Variants in LIN28B observed in about 807,000 individuals in gnomAD.
The protein encoded by LIN28B is lin-28 RNA binding posttranscriptional regulator B, also known as protein lin-28 homolog B.
A neutral mutation model predicts 21.9 loss-of-function variants in LIN28B; 5 were observed. The observed-to-expected ratio is 0.23, with a 90% CI of 0.12 to 0.48. LIN28B has a LOEUF of 0.48. Ranked by LOEUF, LIN28B falls within the 20% of genes least tolerant of loss-of-function variation. The pLI is 0.98. For missense variants in LIN28B, 245 were observed against 310.5 expected, an observed-to-expected ratio of 0.79 and a Z score of 1.58; for synonymous variants, 109 against 111.3, an observed-to-expected ratio of 0.98 and a Z score of 0.13.
At chr6:105,001,027 T>C (rs1433201790) in intron 2 of LIN28B, among the ~76,000 whole-genome samples, 4 of 152,210 alleles carry the variant, frequency 2.6e-5, no homozygotes, top group Non-Finnish European at 5.9e-5. Flanking sequence ...TTATTTGTAT[T>C]TTCAGTTTTT....
intron 3 of LIN28B, among the ~76,000 whole-genome samples, chr6:105,034,278 A>G (rs2114354784): frequency 6.6e-6 from 1 of 152,106 alleles, no homozygotes; most frequent in East Asian, 1.9e-4. Flanking sequence ...CATTCATAAT[A>G]ATGCAGTGTT....
At chr6:105,060,953 A>G (rs1772112808) in intron 3 of LIN28B, among the ~76,000 whole-genome samples, 1 of 152,230 alleles carries the variant, frequency 6.6e-6, no homozygotes, top group Admixed American at 6.5e-5. Context: ...GTAGACAAAT[A>G]TAAGTATAGA....
Position 104,962,162 on chromosome 6 carries a change from T to C in LIN28B, c.198+3876T>C, listed in dbSNP as rs114708765. The stretch of plus-strand genomic sequence containing the variant: ...AATAATACTTCACATATTGGGTGTA[T>C]ATATACTTGGCATTCCTTGCCATCA... On this transcript the variant is annotated intron_variant, in intron 2 of 3. Transcript: ENST00000345080. Among the ~76,000 whole-genome samples the C allele has an allele frequency of 7.1e-3, 1,078 of 152,244 alleles. 11 individuals are homozygous for C. The highest frequency in any genetic ancestry group is 0.024 in the African/African-American group (997 of 41,566).
chr6:104,946,788 A>G (rs1463080308), intron 2 of LIN28B, among the ~76,000 whole-genome samples: 1 of 152,212 alleles, frequency 6.6e-6, no homozygotes, highest in African/African-American at 2.4e-5. Context: ...TTTAAACCAT[A>G]AAGTGAATAT....
intron 2 of LIN28B, among the ~76,000 whole-genome samples, chr6:104,946,544 T>C (rs1343533459): frequency 3.9e-5 from 6 of 152,180 alleles, no homozygotes; most frequent in Non-Finnish European, 8.8e-5. Context: ...TGAACTTCCA[T>C]GTTTAATATT....
At chr6:105,034,196 A>C (rs1031889267) in intron 3 of LIN28B, among the ~76,000 whole-genome samples, 2 of 151,812 alleles carry the variant, frequency 1.3e-5, no homozygotes, top group African/African-American at 4.8e-5. Flanking sequence ...ATTTTTTTAG[A>C]GTAGTGACTG....
chr6:104,981,583 A>C (rs1219765683), intron 2 of LIN28B, among the ~76,000 whole-genome samples: 1 of 152,180 alleles, frequency 6.6e-6, no homozygotes, highest in African/African-American at 2.4e-5. Flanking sequence ...TAATTCATAT[A>C]TCCTCAGCAA....
intron 2 of LIN28B, among the ~76,000 whole-genome samples, chr6:104,963,335 C>T (rs1325308560): frequency 2.0e-5 from 3 of 152,122 alleles, no homozygotes; most frequent in Non-Finnish European, 4.4e-5. Context: ...CGTGAGCCAC[C>T]GCTCCTGGCC....
At chr6:104,996,278 T>G (rs1770601243) in intron 2 of LIN28B, among the ~76,000 whole-genome samples, 1 of 152,194 alleles carries the variant, frequency 6.6e-6, no homozygotes, top group African/African-American at 2.4e-5. Flanking sequence ...AACTAGAAAT[T>G]GTTAAACAAC....
intron 2 of LIN28B, among the ~76,000 whole-genome samples, chr6:104,968,999 C>G (rs2114586722): frequency 6.6e-6 from 1 of 152,124 alleles, no homozygotes; most frequent in Non-Finnish European, 1.5e-5. Context: ...CTGATCCTTC[C>G]AAGTTAGTAA....
intron 3 of LIN28B, among the ~76,000 whole-genome samples, chr6:105,034,121 A>G (rs935811025): frequency 6.6e-6 from 1 of 151,932 alleles, no homozygotes; most frequent in African/African-American, 2.4e-5. Context: ...TGTTGGTTGT[A>G]TACATATAGC....
At chr6:104,993,694 G>T (rs1018987209) in intron 2 of LIN28B, among the ~76,000 whole-genome samples, 2 of 151,850 alleles carry the variant, frequency 1.3e-5, no homozygotes, top group Non-Finnish European at 2.9e-5. Context: ...AACTAGCCAG[G>T]TGTGGTGGCA....
intron 3 of LIN28B, among the ~76,000 whole-genome samples, chr6:105,062,662 C>A (rs1198708468): frequency 1.3e-5 from 2 of 151,354 alleles, no homozygotes; most frequent in Admixed American, 6.6e-5. Context: ...CTGGAACATA[C>A]CTATTTTGGA....
At chr6:105,075,519 C>T (rs142783890) in intron 3 of LIN28B, among the ~76,000 whole-genome samples, 1 of 152,258 alleles carries the variant, frequency 6.6e-6, no homozygotes, top group African/African-American at 2.4e-5. Flanking sequence ...AGGCTAAGCA[C>T]ATAGACACTA....
chr6:104,938,384 A>C (rs929070820), intron 2 of LIN28B, among the ~76,000 whole-genome samples: 4 of 152,172 alleles, frequency 2.6e-5, no homozygotes, highest in African/African-American at 9.7e-5. Flanking sequence ...TCACGCCTGT[A>C]ATCCCAGCAC....
chr6:105,073,330 C>CT (rs1772367886), intron 3 of LIN28B, among the ~76,000 whole-genome samples: 1 of 152,084 alleles, frequency 6.6e-6, no homozygotes, highest in Non-Finnish European at 1.5e-5. Context: ...AGTTTAGTTC[C>CT]TGTAATTTTT....
intron 3 of LIN28B, among the ~76,000 whole-genome samples, chr6:105,041,251 C>T (rs1425491886): frequency 6.6e-6 from 1 of 152,044 alleles, no homozygotes; most frequent in Non-Finnish European, 1.5e-5. Flanking sequence ...TTTAGGTTTT[C>T]ATTTTCTTTT....
chr6:105,001,744 G>A (rs1441343369), intron 2 of LIN28B, among the ~76,000 whole-genome samples: 2 of 152,146 alleles, frequency 1.3e-5, no homozygotes, highest in Admixed American at 6.5e-5. Context: ...CAGTATTACT[G>A]AAAGATGAGC....
chr6:104,992,377 A>G (rs900699060), intron 2 of LIN28B, among the ~76,000 whole-genome samples: 1 of 151,818 alleles, frequency 6.6e-6, no homozygotes, highest in African/African-American at 2.4e-5. Context: ...CTTATGTAAC[A>G]ATTAATATTA....
Sources: allele counts gnomAD v4.1 joint callset (sites outside exome capture counted in the v4.1 genomes callset), GRCh38; gene constraint gnomAD v4.1.1; transcripts MANE v1.5; gene names NCBI Gene and HGNC (gene_info 2026-07-23, HGNC 2026-07-21).